Variants in SYNRG observed in about 807,000 individuals in gnomAD.
SYNRG encodes the protein AP1 gamma subunit binding protein 1.
Under a neutral mutation model 130.9 loss-of-function variants are expected in SYNRG, and 37 were observed. The observed-to-expected ratio is 0.28, with a 90% confidence interval of 0.22 to 0.37. SYNRG has a LOEUF of 0.37. Ranked by LOEUF, SYNRG falls within the 10% of genes least tolerant of loss-of-function variation. SYNRG has a pLI of 1.00. For synonymous variants in SYNRG, 539 were observed against 568.1 expected (o/e 0.95, Z 0.73); for missense variants, 1,338 against 1,588.9 (o/e 0.84, Z 2.68).
rs140914426 is a variant in SYNRG at position 37,581,434 on chromosome 17, C to T, written c.589+3214G>A. 6.9e-3 allele frequency among the ~76,000 whole-genome samples: 1,052 copies of T among 151,836 alleles called. 9 individuals are homozygous for T. The highest frequency in any genetic ancestry group is 0.024 in the African/African-American group (996 of 41,376). On this transcript the variant is annotated intron_variant, in intron 6 of 21. Coordinates refer to ENST00000612223, the MANE Select transcript of SYNRG (RefSeq NM_007247.6). ...CTGGGACTACAGGTGCCCATCACCA[C>T]GCCCGGCTAATTTTTGTATTTTTAG...
At chr17:37,583,404 T>C (rs1167631317) in intron 6 of SYNRG, among the ~76,000 whole-genome samples, 1 of 152,174 alleles carries the variant, frequency 6.6e-6, no homozygotes, top group Non-Finnish European at 1.5e-5. Flanking sequence ...ATCTTGTATA[T>C]TTTATTTTGG....
chr17:37,579,265 C>T, intron 6 of SYNRG: 1 of 1,301,318 alleles, frequency 7.7e-7, no homozygotes, highest in South Asian at 1.2e-5. Context: ...GTGTATGCAA[C>T]TGGCCAAGTG....
At chr17:37,561,415 A>G in intron 12 of SYNRG, 56 bp downstream of exon 12, 1 of 1,503,088 alleles carries the variant, frequency 6.7e-7, no homozygotes, top group South Asian at 1.1e-5. Context: ...GATTCATACA[A>G]TTTAAATAGT....
intron 16 of SYNRG, 90 bp downstream of exon 16, chr17:37,540,290 T>G: frequency 6.9e-7 from 1 of 1,459,432 alleles, no homozygotes. Flanking sequence ...CCCCTCATTT[T>G]CCCCATGTGA....
In SYNRG at chr17:37,575,718, T is replaced by G. The variant is rs1249618110; in HGVS notation, c.901+623A>C. On this transcript the variant is annotated intron_variant, in intron 8 of 21. Coordinates refer to ENST00000612223, the MANE Select transcript of SYNRG (RefSeq NM_007247.6). ...TTAGCTGGGTGTAGTGGCATGCGCC[T>G]GTAGTCCCAGCTACTTGAGAGGCTG... Among the ~76,000 whole-genome samples, 27 of 151,666 alleles carry G rather than the reference T, an allele frequency of 1.8e-4. 1 individual carries two copies. The highest frequency in any genetic ancestry group is 1.8e-3 in the Admixed American group (27 of 15,200).
chr17:37,540,674 G>A lies in SYNRG; in HGVS notation c.3203-131C>T, dbSNP rs184723004. 337 of 1,009,986 alleles carry A rather than the reference G, an allele frequency of 3.3e-4. 1 individual carries two copies. The African/African-American group carries it at 5.2e-3, about 16-fold the overall frequency. The allele number at this position is 1,009,986 out of a possible 1,614,324, so 62.6% of individuals were successfully genotyped here. On this transcript the variant is annotated intron_variant, in intron 15 of 21. Transcript: ENST00000612223. ...TTTTGAGACAGATTCTTGCTCTGTC[G>A]CTCAGACTGGAGTACGGTGGTGTGA...
chr17:37,592,889 T>G (rs550247995), intron 3 of SYNRG, among the ~76,000 whole-genome samples: 2 of 152,254 alleles, frequency 1.3e-5, no homozygotes, highest in East Asian at 3.9e-4. Context: ...TTTCTACAAG[T>G]TTTACCAATA....
intron 3 of SYNRG, among the ~76,000 whole-genome samples, chr17:37,594,198 TATTAATTA>T (rs2062487326): frequency 1.9e-4 from 21 of 112,216 alleles, no homozygotes; most frequent in African/African-American, 7.2e-4. Context: ...ATTTTAATTA[TATTAATTA>T]CAATATTAAT....
At chr17:37,525,734 A>G (rs1013797438) in intron 19 of SYNRG, among the ~76,000 whole-genome samples, 16 of 152,038 alleles carry the variant, frequency 1.1e-4, no homozygotes, top group South Asian at 8.3e-4. Flanking sequence ...TTGGGAGGCC[A>G]AGGCGGGCGG....
intron 19 of SYNRG, chr17:37,529,881 G>A: frequency 1.9e-6 from 3 of 1,548,348 alleles, no homozygotes; most frequent in Non-Finnish European, 1.7e-6. Context: ...TGGCTGATTT[G>A]GGGGTTGTAT....
chr17:37,584,282 T>C (rs1233018800), intron 6 of SYNRG: 1 of 168,318 alleles, frequency 5.9e-6, no homozygotes, highest in African/African-American at 2.4e-5. Context: ...AGTAATGAAA[T>C]CAGAGCTAGT....
intron 14 of SYNRG, among the ~76,000 whole-genome samples, chr17:37,544,780 A>C (rs1254866883): frequency 1.3e-5 from 2 of 152,212 alleles, no homozygotes; most frequent in Non-Finnish European, 2.9e-5. Context: ...GGGATGATGC[A>C]GTTAAATACA....
intron 13 of SYNRG, among the ~76,000 whole-genome samples, chr17:37,558,362 G>A (rs1052406485): frequency 6.6e-6 from 1 of 152,130 alleles, no homozygotes; most frequent in African/African-American, 2.4e-5. Flanking sequence ...CATTCAATAC[G>A]TAAAGATAGA....
At chr17:37,595,014 A>T (rs1349041002) in intron 3 of SYNRG, among the ~76,000 whole-genome samples, 1 of 152,266 alleles carries the variant, frequency 6.6e-6, no homozygotes, top group Non-Finnish European at 1.5e-5. Flanking sequence ...GCACTAACCC[A>T]TAAGGATATG....
At chr17:37,557,440 T>C in intron 13 of SYNRG, among the ~76,000 whole-genome samples, 1 of 152,202 alleles carries the variant, frequency 6.6e-6, no homozygotes. Flanking sequence ...ATAAAAAATA[T>C]ATCACACCAT....
rs1218038944 is a variant in SYNRG at position 37,540,539 on chromosome 17, T to C, written c.3207A>G (p.Ser1069=). The C allele has an allele frequency of 6.2e-7, 1 of 1,613,868 alleles. No individual in the cohort carries two copies. Among genetic ancestry groups the C allele is most frequent in the Non-Finnish European group, 8.5e-7 (1 of 1,179,934 alleles). Residue 1069 remains serine (S), a synonymous_variant, in exon 16 of 22, where the codon TCA becomes TCG. Transcript: ENST00000612223. ...CACCAAGGCTCAAACTCCTCTTGTGTGATCCTGGGAGAAGGGGATAATACA... is the reference window on the plus strand; with the variant it reads ...CACCAAGGCTCAAACTCCTCTTGTGCGATCCTGGGAGAAGGGGATAATACA... ...LATFDLSVQG[S]HKRSLSLGDK... is the part of the protein sequence containing the mutation.
chr17:37,575,027 T>C (rs977129867), intron 8 of SYNRG, among the ~76,000 whole-genome samples: 10 of 152,266 alleles, frequency 6.6e-5, no homozygotes, highest in African/African-American at 2.4e-4. Flanking sequence ...GGACACTATA[T>C]TAAGTGAAAT....
Position 37,542,460 on chromosome 17 carries a change from C to T in SYNRG, c.2714G>A (p.Gly905Asp). Residue 905 changes from glycine to aspartate, a missense_variant, in exon 15 of 22, where the codon GGC becomes GAC. Gly to Asp is a moderately conservative substitution (Grantham distance 94, BLOSUM62 -1). Coordinates refer to ENST00000612223, the MANE Select transcript of SYNRG (RefSeq NM_007247.6). ...DWSDRDDATQ[G>D]RKLSPFVLSA... ...GAGGACAAATGGAGAGAGTTTTCTG[C>T]CCTGAGTTGCATCATCCCTGTCTGA... 3 of 1,614,022 alleles carry T rather than the reference C, an allele frequency of 1.9e-6. No homozygotes were observed. The highest frequency in any genetic ancestry group is 2.5e-6 in the Non-Finnish European group (3 of 1,180,016).
At chr17:37,530,063 G>A (rs1268071625) in intron 19 of SYNRG, among the ~76,000 whole-genome samples, 2 of 152,130 alleles carry the variant, frequency 1.3e-5, no homozygotes, top group Non-Finnish European at 2.9e-5. Context: ...ACAAGTTGCT[G>A]CCAGAAAAGA....
Sources: gnomAD v4.1 joint callset for allele counts (sites outside exome capture counted in the v4.1 genomes callset) on GRCh38, gnomAD v4.1.1 for gene constraint, MANE v1.5 for transcripts, NCBI Gene and HGNC (gene_info 2026-07-23, HGNC 2026-07-21) for gene names.